The following KIAA1328 variants were observed in gnomAD, a reference collection of about 807,000 sequenced individuals.
KIAA1328 encodes the protein KIAA1328, also known as protein hinderin.
A neutral mutation model predicts 68.1 loss-of-function variants in KIAA1328; 52 were observed. The observed-to-expected ratio is 0.76, with a 90% CI of 0.61 to 0.96. The LOEUF (loss-of-function observed/expected upper bound fraction) is 0.96, where lower values mean the gene tolerates loss of function less well. Ranked by LOEUF, KIAA1328 falls within the 40% of genes least tolerant of loss-of-function variation. KIAA1328 has a pLI of 0.00. For synonymous variants in KIAA1328, 232 were observed against 239.4 expected (o/e 0.97, Z 0.28); for missense variants, 641 against 677.6 (o/e 0.95, Z 0.60).
chr18:37,066,168 A>G (rs974883997), intron 6 of KIAA1328, among the ~76,000 whole-genome samples: 1 of 152,274 alleles, frequency 6.6e-6, no homozygotes, highest in Non-Finnish European at 1.5e-5. Context: ...CTGACAGAAC[A>G]GACTTACAGC....
chr18:37,086,516 C>G (rs1385517765), intron 7 of KIAA1328, among the ~76,000 whole-genome samples: 1 of 152,126 alleles, frequency 6.6e-6, no homozygotes. Flanking sequence ...ATCTTATATT[C>G]CTTTTTTCCT....
Position 37,137,935 on chromosome 18 carries a change from A to G in KIAA1328, c.1233-22265A>G, listed in dbSNP as rs1480813344. On this transcript the variant is annotated intron_variant, in intron 7 of 9. Transcript: ENST00000280020. ...AGTGATTTACACATCCCTCAAATTC[A>G]ACATCTCCAGATCCAATCCAATTAT... Among the ~76,000 whole-genome samples, 26 of 152,058 alleles carry G rather than the reference A, an allele frequency of 1.7e-4. 1 individual carries two copies. The highest frequency in any genetic ancestry group is 1.5e-5 in the Non-Finnish European group (1 of 68,018).
intron 8 of KIAA1328, among the ~76,000 whole-genome samples, chr18:37,163,824 G>C (rs2059331980): frequency 6.6e-6 from 1 of 152,116 alleles, no homozygotes; most frequent in Admixed American, 6.5e-5. Flanking sequence ...CATCCATAAG[G>C]GTACCTTAAG....
intron 6 of KIAA1328, among the ~76,000 whole-genome samples, chr18:36,984,733 C>T (rs1038670322): frequency 6.6e-6 from 1 of 151,688 alleles, no homozygotes; most frequent in African/African-American, 2.4e-5. Flanking sequence ...TGGTGAAACC[C>T]CATCTCTACT....
intron 6 of KIAA1328, among the ~76,000 whole-genome samples, chr18:36,965,472 T>C (rs1014656514): frequency 1.4e-4 from 20 of 145,530 alleles, no homozygotes; most frequent in African/African-American, 3.5e-4. Context: ...GATGAAACCC[T>C]GTCTCTACTA....
Position 36,885,590 on chromosome 18 carries a change from A to G in KIAA1328, c.366A>G (p.Arg122=), listed in dbSNP as rs1295743962. 1.3e-6 allele frequency: 2 copies of G among 1,587,836 alleles called. No individual in the cohort carries two copies. The highest frequency in any genetic ancestry group is 1.7e-6 in the Non-Finnish European group (2 of 1,169,032). ...AGGAAAAGGAAGTGACAGAGGAAAG[A>G]CTGAAAGCTGAGCAGGAGTCATTTG... ...VSEEKEVTEE[R]LKAEQESFEK... is the part of the protein sequence containing the mutation. The change falls in exon 5 of 10, where the codon AGA becomes AGG. Residue 122 remains arginine, a synonymous_variant. Transcript: ENST00000280020.
chr18:37,139,102 GC>G (rs1251146936), intron 7 of KIAA1328, among the ~76,000 whole-genome samples: 2 of 151,964 alleles, frequency 1.3e-5, no homozygotes, highest in African/African-American at 4.8e-5. Context: ...AAATACAGGT[GC>G]CCGCCACCAT....
In KIAA1328 at chr18:36,953,995, C is replaced by CTTTTTTTTTTTTTTTT. The variant is rs71168249; in HGVS notation, c.449-5310_449-5295dup. Among the ~76,000 whole-genome samples, 8 of 113,542 alleles carry CTTTTTTTTTTTTTTTT rather than the reference C, an allele frequency of 7.0e-5. 1 individual carries two copies. Among genetic ancestry groups the CTTTTTTTTTTTTTTTT allele is most frequent in the South Asian group, 3.0e-4 (1 of 3,292 alleles). 74.5% of individuals were successfully genotyped at this position (113,542 alleles called of 152,430 possible). On this transcript the variant is annotated intron_variant, in intron 5 of 9. Transcript: ENST00000280020. ...ATATATTGAATTTGTCTGATTGTTTCTTTTTTTTTTTTTTTTTTGAGACGG... is the reference window on the plus strand; with the variant it reads ...ATATATTGAATTTGTCTGATTGTTTCTTTTTTTTTTTTTTTTTTTTTTTTTTTTTTTTTTGAGACGG...
At chr18:37,004,444 A>G (rs1171257758) in intron 6 of KIAA1328, among the ~76,000 whole-genome samples, 2 of 152,106 alleles carry the variant, frequency 1.3e-5, no homozygotes, top group East Asian at 3.8e-4. Context: ...AAAGTGGGCT[A>G]AGGACATGAA....
chr18:36,957,970 T>C (rs2051494094), intron 5 of KIAA1328, among the ~76,000 whole-genome samples: 1 of 152,150 alleles, frequency 6.6e-6, no homozygotes, highest in African/African-American at 2.4e-5. Flanking sequence ...CCATTTCTTC[T>C]CCCCTAACCC....
At chr18:36,905,839 T>G (rs1189326736) in intron 5 of KIAA1328, among the ~76,000 whole-genome samples, 1 of 152,166 alleles carries the variant, frequency 6.6e-6, no homozygotes, top group African/African-American at 2.4e-5. Context: ...CTCAGATTGA[T>G]GTCTTCAATG....
At chr18:36,901,407 T>C (rs1162909883) in intron 5 of KIAA1328, among the ~76,000 whole-genome samples, 1 of 152,082 alleles carries the variant, frequency 6.6e-6, no homozygotes, top group Admixed American at 6.6e-5. Flanking sequence ...ACTATCAGCT[T>C]GTCCATGTGC....
chr18:36,929,273 AC>A (rs1351634078), intron 5 of KIAA1328, among the ~76,000 whole-genome samples: 1 of 152,018 alleles, frequency 6.6e-6, no homozygotes, highest in Non-Finnish European at 1.5e-5. Context: ...CTTAACATTT[AC>A]TTTAATGTCT....
At chr18:37,055,300 A>G (rs1423409031) in intron 6 of KIAA1328, among the ~76,000 whole-genome samples, 2 of 152,256 alleles carry the variant, frequency 1.3e-5, no homozygotes, top group Non-Finnish European at 2.9e-5. Context: ...GGAAAAGGCC[A>G]TGGATGATGC....
At chr18:37,227,048 T>A (rs554708356), downstream of KIAA1328, among the ~76,000 whole-genome samples, 3 of 152,322 alleles carry the variant, frequency 2.0e-5, no homozygotes, top group South Asian at 6.2e-4. Flanking sequence ...ATTACGGGTG[T>A]GAGCCACCGC....
At chr18:37,083,838 G>T (rs556896650) in intron 7 of KIAA1328, among the ~76,000 whole-genome samples, 1 of 152,158 alleles carries the variant, frequency 6.6e-6, no homozygotes, top group African/African-American at 2.4e-5. Context: ...ACTTTCTGCG[G>T]CAGAGATTTA....
intron 4 of KIAA1328, among the ~76,000 whole-genome samples, chr18:36,875,407 G>T (rs1178473039): frequency 1.1e-4 from 17 of 152,090 alleles, no homozygotes; most frequent in Admixed American, 1.1e-3. Context: ...GTATTCCTAG[G>T]TATTTATTCT....
intron 4 of KIAA1328, among the ~76,000 whole-genome samples, chr18:36,858,965 A>G (rs2047469734): frequency 6.6e-6 from 1 of 152,286 alleles, no homozygotes; most frequent in East Asian, 1.9e-4. Context: ...TGACTTTCCA[A>G]AAATTCCAGT....
chr18:37,162,036 CAG>C (rs2059290933), intron 8 of KIAA1328, among the ~76,000 whole-genome samples: 1 of 152,172 alleles, frequency 6.6e-6, no homozygotes, highest in Non-Finnish European at 1.5e-5. Context: ...TTTTGACTAA[CAG>C]GGGTTCAGAA....
Sources: gnomAD v4.1 joint callset for allele counts (sites outside exome capture counted in the v4.1 genomes callset) on GRCh38, gnomAD v4.1.1 for gene constraint, MANE v1.5 for transcripts, NCBI Gene and HGNC (gene_info 2026-07-23, HGNC 2026-07-21) for gene names.